FOXN3: variants seen among roughly 807,000 people sequenced by gnomAD.
FOXN3 encodes forkhead box protein N3.
FOXN3 carries 7 observed loss-of-function variants against 38.4 expected under a neutral mutation model. The ratio of observed to expected loss-of-function variants is 0.18; its 90% confidence interval spans 0.10 to 0.34. The LOEUF (loss-of-function observed/expected upper bound fraction) is 0.34. FOXN3 is among the 10% of genes least tolerant of loss of function. The pLI is 1.00. For synonymous variants in FOXN3, 230 were observed against 242.2 expected, an observed-to-expected ratio of 0.95 and a Z score of 0.47; for missense variants, 456 against 613.4, an observed-to-expected ratio of 0.74 and a Z score of 2.71.
At chr14:89,595,557 C>T (rs961830994) in intron 1 of FOXN3, among the ~76,000 whole-genome samples, 2 of 152,060 alleles carry the variant, frequency 1.3e-5, no homozygotes, top group Non-Finnish European at 2.9e-5. Context: ...TGCAACAAAC[C>T]TGCTAAATTC....
intron 3 of FOXN3, among the ~76,000 whole-genome samples, chr14:89,308,057 G>T (rs147170992): frequency 6.6e-6 from 1 of 152,194 alleles, no homozygotes; most frequent in Non-Finnish European, 1.5e-5. Flanking sequence ...CTGAGGTCAG[G>T]AGTTCAAGAC....
At chr14:89,585,757 G>GA (rs34382325) in intron 1 of FOXN3, among the ~76,000 whole-genome samples, 59,698 of 136,564 alleles carry the variant, frequency 0.44, 15,977 homozygotes, top group Non-Finnish European at 0.62. Context: ...CACTTGACTA[G>GA]AAAAAAAAAA....
At chr14:89,198,249 T>C (rs1363462555) in intron 4 of FOXN3, among the ~76,000 whole-genome samples, 4 of 152,240 alleles carry the variant, frequency 2.6e-5, no homozygotes, top group Admixed American at 6.5e-5. Flanking sequence ...ATTTACATAG[T>C]ATTTACATTG....
intron 1 of FOXN3, among the ~76,000 whole-genome samples, chr14:89,483,640 T>C (rs1357871457): frequency 6.6e-6 from 1 of 152,186 alleles, no homozygotes; most frequent in African/African-American, 2.4e-5. Flanking sequence ...ACTCCTGACC[T>C]CAGGTGATCC....
chr14:89,213,986 A>T (rs1187646932), intron 4 of FOXN3, among the ~76,000 whole-genome samples: 1 of 152,252 alleles, frequency 6.6e-6, no homozygotes, highest in African/African-American at 2.4e-5. Flanking sequence ...CGGATCTTTA[A>T]AGAGTTTAAA....
At chr14:89,340,502 C>T (rs1888584771) in intron 3 of FOXN3, among the ~76,000 whole-genome samples, 1 of 152,178 alleles carries the variant, frequency 6.6e-6, no homozygotes, top group Admixed American at 6.5e-5. Flanking sequence ...GTACCTCTCA[C>T]ATCCATGGCA....
Position 89,162,520 on chromosome 14 carries a change from G to A in FOXN3, c.1301C>T (p.Ala434Val). ...TGCTAAGTGCAGGAGGGACCCTGCCGCTTCTTTCATCTCCTCATCATCGCT... is the reference window on the plus strand; with the variant it reads ...TGCTAAGTGCAGGAGGGACCCTGCCACTTCTTTCATCTCCTCATCATCGCT... ...PESDDEEMKEAAGSLLHLAGI... is the reference protein window; with the variant it reads ...PESDDEEMKEVAGSLLHLAGI... The change falls in exon 6 of 6, where the codon GCG becomes GTG. Residue 434 changes from alanine (A) to valine (V), a missense_variant. By Grantham distance (64) the Ala-to-Val change is moderately conservative. Transcript: ENST00000557258. This position sits in a 1 kb window ranked among gnomAD's most constrained non-coding sequence, Gnocchi z 7.2. The A allele has an allele frequency of 4.3e-6, 7 of 1,613,580 alleles. No homozygotes were observed. The highest frequency in any genetic ancestry group is 1.1e-5 in the South Asian group (1 of 91,040).
chr14:89,243,238 C>T (rs1185601303), intron 4 of FOXN3, among the ~76,000 whole-genome samples: 1 of 152,134 alleles, frequency 6.6e-6, no homozygotes, highest in African/African-American at 2.4e-5. Flanking sequence ...GCCTACTTGC[C>T]AGATCAAAAT....
rs1201476494 is a variant in FOXN3, at chr14:89,162,302, C to A, written c.*112G>T. 13 of 910,598 alleles carry A rather than the reference C, an allele frequency of 1.4e-5. No homozygotes were observed. The highest frequency in any genetic ancestry group is 5.7e-5 in the East Asian group (2 of 35,280). The allele number at this position is 910,598 out of a possible 1,614,324, so 56.4% of individuals were successfully genotyped here. On this transcript the variant is annotated 3_prime_UTR_variant, in exon 6 of 6. Coordinates refer to ENST00000557258, the MANE Select transcript of FOXN3 (RefSeq NM_005197.4). The surrounding 1 kb of genome is among the most constrained non-coding windows in gnomAD (Gnocchi z 7.2). ...GAAAAGAAAAGAAAGAAAACCAAAC[C>A]AAAAACAAGAAAAAAGAAAAAAAAT... is the stretch of plus-strand genomic sequence containing the variant.
intron 2 of FOXN3, among the ~76,000 whole-genome samples, chr14:89,374,269 A>C (rs1320845289): frequency 7.2e-6 from 1 of 138,762 alleles, no homozygotes; most frequent in African/African-American, 3.1e-5. Context: ...GTCTCAAAAA[A>C]AAAAAAAAAA....
intron 3 of FOXN3, among the ~76,000 whole-genome samples, chr14:89,309,313 C>T (rs981564551): frequency 7.9e-5 from 12 of 152,062 alleles, no homozygotes; most frequent in Non-Finnish European, 1.3e-4. Context: ...CTTTACCCAT[C>T]GGAACACGAG....
intron 3 of FOXN3, among the ~76,000 whole-genome samples, chr14:89,296,508 G>A (rs1887044520): frequency 6.6e-6 from 1 of 152,206 alleles, no homozygotes; most frequent in African/African-American, 2.4e-5. Flanking sequence ...AATTAGAATG[G>A]TGGAGTTAAG....
intron 5 of FOXN3, among the ~76,000 whole-genome samples, chr14:89,174,664 A>G (rs186660543): frequency 1.6e-3 from 237 of 152,318 alleles, no homozygotes; most frequent in Non-Finnish European, 2.8e-3. Context: ...ATGTTGATCA[A>G]ATTTCACAGT....
intron 4 of FOXN3, among the ~76,000 whole-genome samples, chr14:89,208,660 G>A (rs866587996): frequency 1.3e-5 from 2 of 152,274 alleles, no homozygotes; most frequent in Middle Eastern, 3.4e-3. Flanking sequence ...AGACTGAACT[G>A]TCTGTGGGGA....
At chr14:89,547,358 G>A (rs1399776033) in intron 1 of FOXN3, among the ~76,000 whole-genome samples, 3 of 151,942 alleles carry the variant, frequency 2.0e-5, no homozygotes, top group East Asian at 1.9e-4. Context: ...AGGTTCAAGC[G>A]ATTCTCCTGC....
Position 89,453,987 on chromosome 14 carries a change from T to C in FOXN3, c.-14-41497A>G, listed in dbSNP as rs577939312. 1.2e-4 allele frequency among the ~76,000 whole-genome samples: 17 copies of C among 146,888 alleles called. No homozygotes were observed. The Admixed American group carries it at 1.2e-3, about 10-fold the overall frequency. On this transcript the variant is annotated intron_variant, in intron 1 of 6. Transcript: ENST00000345097. ...GATCGTGAGGGTGGGGTCCCCAAGA[T>C]GAAATTAATGCCCTCTTAAGAAGAA... is the stretch of plus-strand genomic sequence containing the variant.
chr14:89,403,721 AT>A (rs1891310585), intron 2 of FOXN3, among the ~76,000 whole-genome samples: 1 of 152,194 alleles, frequency 6.6e-6, no homozygotes, highest in Non-Finnish European at 1.5e-5. Flanking sequence ...AGAATGCAAC[AT>A]TTTCTCAATA....
intron 4 of FOXN3, among the ~76,000 whole-genome samples, chr14:89,220,298 A>G (rs1430425810): frequency 6.6e-6 from 1 of 152,202 alleles, no homozygotes; most frequent in African/African-American, 2.4e-5. Context: ...CAGCAGTGTG[A>G]CCACAGTCAA....
At chr14:89,611,774 C>T (rs1454189927) in intron 1 of FOXN3, among the ~76,000 whole-genome samples, 3 of 146,114 alleles carry the variant, frequency 2.1e-5, no homozygotes, top group South Asian at 4.3e-4. Context: ...CCACTGCACT[C>T]CAGCCTGGGC....
Sources: allele counts gnomAD v4.1 joint callset (sites outside exome capture counted in the v4.1 genomes callset), GRCh38; gene constraint gnomAD v4.1.1; non-coding constraint Gnocchi (gnomAD v3.1); transcripts MANE v1.5; gene names NCBI Gene and HGNC (gene_info 2026-07-23, HGNC 2026-07-21).